The following VAV3 variants were observed in gnomAD, a reference collection of about 807,000 sequenced individuals.
VAV3 encodes guanine nucleotide exchange factor VAV3.
In VAV3, 94 loss-of-function variants were observed where a neutral mutation model predicts 131.2. The ratio of observed to expected loss-of-function variants is 0.72; its 90% CI spans 0.61 to 0.85. The LOEUF is 0.85. Ranked by LOEUF, VAV3 falls within the 40% of genes least tolerant of loss-of-function variation. VAV3 has a pLI of 0.00. For missense variants in VAV3, 939 were observed against 1,002.7 expected, an observed-to-expected ratio of 0.94 and a Z score of 0.86; for synonymous variants, 349 against 342.0, an observed-to-expected ratio of 1.02 and a Z score of -0.22.
chr1:107,579,077 C>T (rs6690734), intron 25 of VAV3, among the ~76,000 whole-genome samples: 20,624 of 152,144 alleles, frequency 0.14, 1,494 homozygotes, highest in Non-Finnish European at 0.16. Flanking sequence ...TATCAGGGTG[C>T]TAGCCCTCTC....
chr1:107,666,051 G>A (rs757141834), intron 19 of VAV3, among the ~76,000 whole-genome samples: 15 of 152,148 alleles, frequency 9.9e-5, no homozygotes, highest in Non-Finnish European at 1.9e-4. Context: ...GTAACACCAC[G>A]TGGCCTGAAG....
chr1:107,871,203 A>G (rs1670237796), intron 2 of VAV3, among the ~76,000 whole-genome samples: 1 of 152,196 alleles, frequency 6.6e-6, no homozygotes, highest in African/African-American at 2.4e-5. Flanking sequence ...ACATTTCTTA[A>G]GCAAAGAAGT....
intron 19 of VAV3, among the ~76,000 whole-genome samples, chr1:107,647,228 A>G (rs888129013): frequency 2.0e-5 from 3 of 149,702 alleles, no homozygotes; most frequent in African/African-American, 4.9e-5. Flanking sequence ...AGTACTGCCT[A>G]CTAGATAAAT....
intron 2 of VAV3, among the ~76,000 whole-genome samples, chr1:107,814,605 T>C (rs1483645822): frequency 6.6e-6 from 1 of 152,236 alleles, no homozygotes; most frequent in Non-Finnish European, 1.5e-5. Flanking sequence ...TTTGTTTTCT[T>C]TGCTGTTTGG....
intron 25 of VAV3, among the ~76,000 whole-genome samples, chr1:107,592,770 G>A (rs1348494238): frequency 6.6e-6 from 1 of 152,160 alleles, no homozygotes; most frequent in Non-Finnish European, 1.5e-5. Context: ...CCTAAGGTCA[G>A]ACAGCTACTC....
At chr1:107,677,548 G>A (rs542068966) in intron 19 of VAV3, among the ~76,000 whole-genome samples, 1 of 152,294 alleles carries the variant, frequency 6.6e-6, no homozygotes, top group Non-Finnish European at 1.5e-5. Context: ...GACGTTCTAA[G>A]TAAGGAACAG....
At chr1:107,615,892 A>C (rs1653118560) in intron 21 of VAV3, among the ~76,000 whole-genome samples, 2 of 152,230 alleles carry the variant, frequency 1.3e-5, no homozygotes, top group African/African-American at 2.4e-5. Context: ...AATTGAAACC[A>C]CAATGAGATA....
intron 2 of VAV3, among the ~76,000 whole-genome samples, chr1:107,788,380 G>A (rs1201984145): frequency 6.6e-6 from 1 of 151,964 alleles, no homozygotes; most frequent in African/African-American, 2.4e-5. Flanking sequence ...ACACTCCCAT[G>A]TTCAGCCACA....
chr1:107,582,988 A>G (rs1307651423), intron 25 of VAV3, among the ~76,000 whole-genome samples: 1 of 152,152 alleles, frequency 6.6e-6, no homozygotes, highest in East Asian at 1.9e-4. Flanking sequence ...GAATTGCCAC[A>G]CTGACTTCCA....
chr1:107,770,570 G>A, intron 6 of VAV3, 66 bp downstream of exon 6: 2 of 1,025,490 alleles, frequency 2.0e-6, no homozygotes, highest in Non-Finnish European at 1.5e-6. Context: ...AGAAGAAACA[G>A]TGAGTCTAAT....
chr1:107,957,930 G>A (rs1305276794), intron 1 of VAV3, among the ~76,000 whole-genome samples: 1 of 151,252 alleles, frequency 6.6e-6, no homozygotes, highest in Non-Finnish European at 1.5e-5. Flanking sequence ...GCAAGCCATG[G>A]GATTGTACCT....
chr1:107,646,468 A>G (rs546559863), intron 19 of VAV3, among the ~76,000 whole-genome samples: 3 of 152,182 alleles, frequency 2.0e-5, no homozygotes, highest in African/African-American at 7.2e-5. Flanking sequence ...TACTTTCACC[A>G]TATGTATTTG....
intron 12 of VAV3, among the ~76,000 whole-genome samples, chr1:107,754,485 G>T (rs985900255): frequency 6.6e-6 from 1 of 152,124 alleles, no homozygotes; most frequent in African/African-American, 2.4e-5. Flanking sequence ...ATTAATCCAG[G>T]GCTGCATCCT....
In VAV3 at chr1:107,669,150, T is replaced by C. The variant is rs1337559098; in HGVS notation, c.1777+14338A>G. ...GAAAAATTCTTGGCTGCACTTTCAT[T>C]CTATTTCACCTTACAAAAACCTCCT... On this transcript the variant is annotated intron_variant, in intron 19 of 26. Transcript: ENST00000370056. The C allele has an allele frequency of 3.7e-6, 4 of 1,072,110 alleles. No homozygotes were observed. In the East Asian group the frequency reaches 3.8e-4, roughly 101 times the overall value. The allele number at this position is 1,072,110 out of a possible 1,614,324, so 66.4% of individuals were successfully genotyped here. A position where few individuals can be genotyped will look rare whatever the true frequency, so the allele number is the denominator to read the frequency against.
At chr1:107,591,860 G>A (rs555320882) in intron 25 of VAV3, among the ~76,000 whole-genome samples, 1 of 152,114 alleles carries the variant, frequency 6.6e-6, no homozygotes, top group South Asian at 2.1e-4. Flanking sequence ...AAAAACAAAG[G>A]TATTCTCTTC....
chr1:107,728,098 A>T (rs1372390466), intron 15 of VAV3, among the ~76,000 whole-genome samples: 1 of 152,140 alleles, frequency 6.6e-6, no homozygotes, highest in South Asian at 2.1e-4. Flanking sequence ...ATTAATGTCA[A>T]ACAGATGGTG....
At chr1:107,782,165 G>C (rs1464017602) in intron 2 of VAV3, among the ~76,000 whole-genome samples, 3 of 152,052 alleles carry the variant, frequency 2.0e-5, no homozygotes, top group Non-Finnish European at 4.4e-5. Flanking sequence ...AATAGCAATA[G>C]CAGTACTACG....
At chr1:107,660,389 T>G (rs1456689282) in intron 19 of VAV3, among the ~76,000 whole-genome samples, 2 of 152,216 alleles carry the variant, frequency 1.3e-5, no homozygotes, top group Non-Finnish European at 2.9e-5. Flanking sequence ...TTTGGCTCCC[T>G]TGGCTTTGAA....
At chr1:107,783,687 T>G (rs1048441652) in intron 2 of VAV3, among the ~76,000 whole-genome samples, 1 of 152,090 alleles carries the variant, frequency 6.6e-6, no homozygotes, top group Non-Finnish European at 1.5e-5. Context: ...TGTGTCCCCA[T>G]AGGACCCCGG....
Sources: allele counts gnomAD v4.1 joint callset (sites outside exome capture counted in the v4.1 genomes callset), GRCh38; gene constraint gnomAD v4.1.1; transcripts MANE v1.5; gene names NCBI Gene and HGNC (gene_info 2026-07-23, HGNC 2026-07-21).